MYOM1: variants seen among roughly 807,000 people sequenced by gnomAD.
The protein encoded by MYOM1 is myomesin-1.
Under a neutral mutation model 205.3 loss-of-function variants are expected in MYOM1, and 164 were observed. The ratio of observed to expected loss-of-function variants is 0.80; its 90% CI spans 0.70 to 0.91. MYOM1 has a LOEUF of 0.91. Among genes scored for constraint, MYOM1 ranks in the 40% least tolerant of loss-of-function variants. MYOM1 has a pLI of 0.00. For synonymous variants in MYOM1, 772 were observed against 789.4 expected (o/e 0.98, Z 0.37); for missense variants, 2,011 against 2,127.3 (o/e 0.95, Z 1.08).
Position 3,071,878 on chromosome 18 carries a change from C to G in MYOM1, c.4720G>C (p.Val1574Leu), listed in dbSNP as rs1408010275. 7 of 1,605,180 alleles carry G rather than the reference C, an allele frequency of 4.4e-6. No individual in the cohort carries two copies. The highest frequency in any genetic ancestry group is 1.7e-5 in the Admixed American group (1 of 59,104). The change falls in exon 37 of 38, where the codon GTG becomes CTG. Residue 1574 changes from valine to leucine, a missense_variant. Coordinates refer to ENST00000356443, the MANE Select transcript of MYOM1 (RefSeq NM_003803.4). Reference sequence around the variant, plus strand: ...ACCACGTCTGGGAGACCTCCCAACACCCGGGCACGATCTGCAAGCATAGGC... The same window carrying G: ...ACCACGTCTGGGAGACCTCCCAACAGCCGGGCACGATCTGCAAGCATAGGC... ...AAIAEKNRAR[V>L]LGGLPDVVTI...
intron 8 of MYOM1, among the ~76,000 whole-genome samples, chr18:3,172,669 C>G (rs34323306): frequency 0.32 from 48,681 of 151,856 alleles, 7,931 homozygotes; most frequent in African/African-American, 0.36. Context: ...ACCACCATGC[C>G]TGGCTAATTT....
upstream of MYOM1, among the ~76,000 whole-genome samples, chr18:3,224,460 G>A (rs888036327): frequency 3.9e-5 from 6 of 152,234 alleles, no homozygotes; most frequent in Non-Finnish European, 5.9e-5. Flanking sequence ...GAAAGGGGAA[G>A]AAGTGCTGGG....
intron 22 of MYOM1, among the ~76,000 whole-genome samples, chr18:3,105,158 G>A (rs2079436538): frequency 6.6e-6 from 1 of 152,082 alleles, no homozygotes; most frequent in African/African-American, 2.4e-5. Context: ...ATGAGCAGGA[G>A]CATTGAGAAT....
intron 8 of MYOM1, among the ~76,000 whole-genome samples, chr18:3,172,937 A>T (rs2080582679): frequency 6.6e-6 from 1 of 152,170 alleles, no homozygotes; most frequent in African/African-American, 2.4e-5. Context: ...ACAACTTGGG[A>T]TATTAAACGA....
chr18:3,112,365 G>A lies in MYOM1; in HGVS notation c.3351C>T (p.Ala1117=). ...EGVSYVFRVR[A]INQAGVGKPS... Reference sequence around the variant, plus strand: ...GCTTCCCAACTCCCGCCTGGTTTATGGCTCGAACACGGAACACGTAGCTGA... The same window carrying A: ...GCTTCCCAACTCCCGCCTGGTTTATAGCTCGAACACGGAACACGTAGCTGA... The change falls in exon 22 of 38, where the codon GCC becomes GCT. Residue 1117 remains alanine (A), a synonymous_variant. Coordinates refer to ENST00000356443, the MANE Select transcript of MYOM1 (RefSeq NM_003803.4). The A allele has an allele frequency of 6.2e-7, 1 of 1,612,752 alleles. No homozygotes were observed. The highest frequency in any genetic ancestry group is 1.1e-5 in the South Asian group (1 of 90,950).
In MYOM1 at chr18:3,174,539, T is replaced by C. The variant is rs78452562; in HGVS notation, c.1023-331A>G. ...CACATAAATTATAGAGTGAACAGCA[T>C]TGTGATCCGCTTACTTGTCTAAAGT... On this transcript the variant is annotated intron_variant, in intron 6 of 37. Transcript: ENST00000356443. Among the ~76,000 whole-genome samples the C allele has an allele frequency of 8.0e-4, 121 of 152,120 alleles. 1 individual carries two copies. The highest frequency in any genetic ancestry group is 2.8e-3 in the African/African-American group (116 of 41,480).
At position 3,100,053 on chromosome 18, in the gene MYOM1, T is replaced by C. The variant is rs6506059; in HGVS notation, c.3727+106A>G. On this transcript the variant is annotated intron_variant, in intron 25 of 37. Transcript: ENST00000356443. Reference sequence around the variant, plus strand: ...CTGATGTGTGTTCCATTATATGTTCTCAAGAGTCTCTCTCTTAATCCCATC... The same window carrying C: ...CTGATGTGTGTTCCATTATATGTTCCCAAGAGTCTCTCTCTTAATCCCATC... 0.92 allele frequency: 1,072,462 copies of C among 1,170,224 alleles called. 491,883 individuals are homozygous for C. Among genetic ancestry groups the C allele is most frequent in the Middle Eastern group, 0.95 (3,344 of 3,504 alleles). 72.5% of individuals were successfully genotyped at this position (1,170,224 alleles called of 1,614,324 possible).
chr18:3,168,525 G>GT (rs2080506153), intron 9 of MYOM1, among the ~76,000 whole-genome samples: 1 of 152,150 alleles, frequency 6.6e-6, no homozygotes, highest in African/African-American at 2.4e-5. Flanking sequence ...CTGACCTCAG[G>GT]TTATCTGCCC....
intron 5 of MYOM1, among the ~76,000 whole-genome samples, chr18:3,183,015 C>T (rs989842468): frequency 1.4e-4 from 21 of 151,164 alleles, no homozygotes; most frequent in Admixed American, 2.6e-4. Context: ...CCGCAACCTC[C>T]GCCTTCCGCG....
chr18:3,134,224 C>T (rs187431246), intron 16 of MYOM1, among the ~76,000 whole-genome samples: 45 of 152,162 alleles, frequency 3.0e-4, no homozygotes, highest in Non-Finnish European at 2.2e-4. Flanking sequence ...TCTCCCTATG[C>T]TGTCCAGGCT....
intron 13 of MYOM1, among the ~76,000 whole-genome samples, chr18:3,143,017 C>T (rs761206474): frequency 1.4e-4 from 21 of 152,012 alleles, no homozygotes; most frequent in Admixed American, 7.9e-4. Context: ...ATGAAAACTA[C>T]GAACTCACAG....
chr18:3,194,000 C>T (rs2080957871), intron 2 of MYOM1, 42 bp from the exon 3 acceptor site: 1 of 1,596,972 alleles, frequency 6.3e-7, no homozygotes, highest in South Asian at 1.1e-5. Flanking sequence ...CAAAAAAAGG[C>T]ATTTACAATA....
chr18:3,068,713 T>A (rs1598640556), intron 37 of MYOM1, among the ~76,000 whole-genome samples: 1 of 152,230 alleles, frequency 6.6e-6, no homozygotes, highest in East Asian at 1.9e-4. Flanking sequence ...CATGTATCGA[T>A]AGTTTATCCC....
intron 22 of MYOM1, among the ~76,000 whole-genome samples, chr18:3,103,480 A>G (rs1198485271): frequency 6.6e-6 from 1 of 152,236 alleles, no homozygotes; most frequent in East Asian, 1.9e-4. Flanking sequence ...CATATGAAAC[A>G]TTCACATCTA....
At position 3,219,746 on chromosome 18, in the gene MYOM1, C is replaced by G. The variant is rs1791062; in HGVS notation, c.-29+57G>C. The G allele has an allele frequency of 0.11, 17,088 of 152,262 alleles. 1,342 individuals carry two copies. The highest frequency in any genetic ancestry group is 0.22 in the African/African-American group (9,225 of 41,512). 9.4% of individuals were successfully genotyped at this position (152,262 alleles called of 1,614,324 possible). A position where few individuals can be genotyped will look rare whatever the true frequency, so the allele number is the denominator to read the frequency against. ...ACAGAAAGAAAGCACTTACACTGCACTGCTGCTAAGCTCATAAGCTATCAA... is the reference window on the plus strand; with the variant it reads ...ACAGAAAGAAAGCACTTACACTGCAGTGCTGCTAAGCTCATAAGCTATCAA... On this transcript the variant is annotated intron_variant, in intron 1 of 37. Coordinates refer to ENST00000356443, the MANE Select transcript of MYOM1 (RefSeq NM_003803.4). This position sits in a 1 kb window ranked among gnomAD's most constrained non-coding sequence, Gnocchi z 4.4.
chr18:3,191,595 A>G (rs1160142780), intron 3 of MYOM1, among the ~76,000 whole-genome samples: 1 of 152,162 alleles, frequency 6.6e-6, no homozygotes, highest in Admixed American at 6.5e-5. Context: ...CCACTGTGAA[A>G]TGTTATTTTT....
At chr18:3,126,108 T>C (rs1444157326) in intron 19 of MYOM1, among the ~76,000 whole-genome samples, 1 of 151,742 alleles carries the variant, frequency 6.6e-6, no homozygotes, top group East Asian at 1.9e-4. Flanking sequence ...CTACTAAAAA[T>C]AGAAAATTTA....
chr18:3,210,226 C>A (rs1393733139), intron 2 of MYOM1, among the ~76,000 whole-genome samples: 1 of 152,246 alleles, frequency 6.6e-6, no homozygotes, highest in Non-Finnish European at 1.5e-5. Context: ...ATGGAACAAG[C>A]TTTCAAGTTC....
In MYOM1 at chr18:3,129,493, GAC is replaced by G. The variant is rs1371218515; in HGVS notation, c.2531_2532del (p.Cys844SerfsTer6). ...AIGGGVSPDVCPALSDEPGGL... is the reference protein window; with the variant it reads ...AIGGGVSPDVXPALSDEPGGL... ...CCACCAGGCTCATCGCTCAGTGCGG[GAC>G]ACACATCTGGAGACACTCCTCCCCC... On this transcript the variant is annotated frameshift_variant, in exon 18 of 38. Coordinates refer to ENST00000356443, the MANE Select transcript of MYOM1 (RefSeq NM_003803.4). LOFTEE classifies it high-confidence loss of function. 1 of 1,613,306 alleles carries G rather than the reference GAC, an allele frequency of 6.2e-7. No homozygotes were observed.
Sources: gnomAD v4.1 joint callset for allele counts (sites outside exome capture counted in the v4.1 genomes callset) on GRCh38, gnomAD v4.1.1 for gene constraint, Gnocchi (gnomAD v3.1) non-coding constraint, MANE v1.5 for transcripts, NCBI Gene and HGNC (gene_info 2026-07-23, HGNC 2026-07-21) for gene names.